The following PIK3C2G variants were observed in gnomAD, a reference collection of about 807,000 sequenced individuals.
The protein encoded by PIK3C2G is phosphatidylinositol-4-phosphate 3-kinase catalytic subunit type 2 gamma, also known as phosphatidylinositol 3-kinase C2 domain-containing subunit gamma.
PIK3C2G carries 168 observed loss-of-function variants against 181.1 expected under a neutral mutation model. That is an observed-to-expected ratio of 0.93 (90% CI 0.82 to 1.05). The LOEUF (loss-of-function observed/expected upper bound fraction) is 1.05. PIK3C2G is among the 50% of genes least tolerant of loss of function. The pLI, the probability that PIK3C2G is intolerant of heterozygous loss-of-function variation, is 0.00. For missense variants in PIK3C2G, 1,869 were observed against 1,732.8 expected, an observed-to-expected ratio of 1.08 and a Z score of -1.40; for synonymous variants, 573 against 592.2, an observed-to-expected ratio of 0.97 and a Z score of 0.47.
the PIK3C2G span, among the ~76,000 whole-genome samples, chr12:18,673,624 C>A: frequency 7.2e-5 from 11 of 152,116 alleles, no homozygotes; most frequent in Non-Finnish European, 1.5e-4. Flanking sequence ...TAAAAGAATA[C>A]GCATTAATTA....
chr12:18,344,471 G>A (rs1319569213), intron 10 of PIK3C2G, among the ~76,000 whole-genome samples: 1 of 152,122 alleles, frequency 6.6e-6, no homozygotes, highest in African/African-American at 2.4e-5. Context: ...ACCATAGAGG[G>A]AGGGAAGGAA....
chr12:18,417,055 G>T (rs1306834087), intron 16 of PIK3C2G, among the ~76,000 whole-genome samples: 1 of 152,154 alleles, frequency 6.6e-6, no homozygotes, highest in Non-Finnish European at 1.5e-5. Context: ...ATTAACAGGA[G>T]TTTCAAGAAG....
intron 11 of PIK3C2G, among the ~76,000 whole-genome samples, chr12:18,359,701 A>T (rs1386506512): frequency 6.6e-6 from 1 of 151,834 alleles, no homozygotes; most frequent in Non-Finnish European, 1.5e-5. Flanking sequence ...TCATTATACA[A>T]TCTCCTTCTC....
intron 14 of PIK3C2G, among the ~76,000 whole-genome samples, chr12:18,385,727 C>T (rs1388086809): frequency 1.3e-5 from 2 of 152,048 alleles, no homozygotes; most frequent in Non-Finnish European, 2.9e-5. Context: ...CGCCACCATG[C>T]CCAGCTAATT....
chr12:18,473,972 G>A (rs187903517), intron 18 of PIK3C2G, among the ~76,000 whole-genome samples: 129 of 152,066 alleles, frequency 8.5e-4, no homozygotes, highest in African/African-American at 3.0e-3. Flanking sequence ...TTTTTCATTG[G>A]GTCATATTTG....
the PIK3C2G span, among the ~76,000 whole-genome samples, chr12:18,657,923 G>A: frequency 1.3e-5 from 2 of 151,930 alleles, no homozygotes; most frequent in African/African-American, 4.8e-5. Context: ...AAGCTCTTAA[G>A]GAAACCACAT....
At chr12:18,307,891 T>C (rs1035687534) in intron 5 of PIK3C2G, among the ~76,000 whole-genome samples, 1 of 151,938 alleles carries the variant, frequency 6.6e-6, no homozygotes, top group South Asian at 2.1e-4. Context: ...TGGAAATAAA[T>C]TCTAATACTA....
chr12:18,276,378 G>C (rs1423968094), intron 1 of PIK3C2G, among the ~76,000 whole-genome samples: 2 of 152,138 alleles, frequency 1.3e-5, no homozygotes, highest in Non-Finnish European at 2.9e-5. Flanking sequence ...GGCATTGAAT[G>C]AATTACTGAT....
chr12:18,383,133 C>T (rs1448639787), intron 14 of PIK3C2G, among the ~76,000 whole-genome samples: 3 of 152,162 alleles, frequency 2.0e-5, no homozygotes, highest in East Asian at 3.9e-4. Context: ...AGGAGAGACT[C>T]ATCACAAACC....
intron 18 of PIK3C2G, among the ~76,000 whole-genome samples, chr12:18,466,488 T>C (rs1287512868): frequency 6.6e-6 from 1 of 151,936 alleles, no homozygotes; most frequent in Non-Finnish European, 1.5e-5. Context: ...TAGAACCCTT[T>C]TTAAAAGGAA....
intron 12 of PIK3C2G, among the ~76,000 whole-genome samples, chr12:18,369,996 T>C (rs2137865414): frequency 7.4e-6 from 1 of 135,236 alleles, no homozygotes; most frequent in Middle Eastern, 4.1e-3. Context: ...GATCGTATAA[T>C]TGACATATGA....
chr12:18,498,673 T>A (rs2136094475), intron 22 of PIK3C2G, among the ~76,000 whole-genome samples: 1 of 151,946 alleles, frequency 6.6e-6, no homozygotes, highest in African/African-American at 2.4e-5. Flanking sequence ...GCAGGCTCAA[T>A]ACCCCAGTCA....
At chr12:18,641,600 ACT>A (rs1206649449) in intron 32 of PIK3C2G, among the ~76,000 whole-genome samples, 3 of 152,010 alleles carry the variant, frequency 2.0e-5, no homozygotes, top group African/African-American at 7.2e-5. Flanking sequence ...ATTATTGTTT[ACT>A]GAAGTCACAT....
chr12:18,547,432 T>C (rs1944491148), intron 26 of PIK3C2G, among the ~76,000 whole-genome samples: 1 of 151,936 alleles, frequency 6.6e-6, no homozygotes, highest in Admixed American at 6.6e-5. Context: ...TGTGACAGAA[T>C]CACAAAATAT....
the PIK3C2G span, among the ~76,000 whole-genome samples, chr12:18,669,405 T>A: frequency 6.6e-6 from 1 of 152,220 alleles, no homozygotes; most frequent in Non-Finnish European, 1.5e-5. Context: ...AGGATAATTA[T>A]CCTCACTTTA....
the PIK3C2G span, among the ~76,000 whole-genome samples, chr12:18,654,072 T>C: frequency 2.6e-5 from 4 of 151,936 alleles, no homozygotes; most frequent in Non-Finnish European, 5.9e-5. Context: ...ATAGAATGTG[T>C]CAAACTGAGT....
chr12:18,303,335 CTCTT>C (rs149922332), intron 5 of PIK3C2G, among the ~76,000 whole-genome samples: 8,671 of 147,088 alleles, frequency 0.059, 367 homozygotes, highest in Non-Finnish European at 0.091. Flanking sequence ...TTCTCTCTCT[CTCTT>C]TCTTTCTTTC....
At chr12:18,536,686 T>G (rs999409195) in intron 24 of PIK3C2G, among the ~76,000 whole-genome samples, 1 of 151,952 alleles carries the variant, frequency 6.6e-6, no homozygotes, top group African/African-American at 2.4e-5. Flanking sequence ...ACATAGCAGG[T>G]CCAGAATTAG....
rs1947250041 is a variant in PIK3C2G at position 18,594,501 on chromosome 12, G to A, written c.4019G>A (p.Cys1340Tyr). 1 of 1,549,000 alleles carries A rather than the reference G, an allele frequency of 6.5e-7. No homozygotes were observed. Residue 1340 changes from cysteine (C) to tyrosine (Y), a missense_variant, in exon 30 of 33, where the codon TGT becomes TAT. Cys to Tyr is a radical substitution (Grantham distance 194). Coordinates refer to ENST00000538779, the MANE Select transcript of PIK3C2G (RefSeq NM_001288772.2). The stretch of plus-strand genomic sequence containing the variant: ...TTTCATTTTGTTTTTCAGAGTGATT[G>A]TGTACTTAGCTTTTTCCTCTCTGAG... ...NVSHEVTNSD[C>Y]VLSFFLSEAV...
Sources: allele counts gnomAD v4.1 joint callset (sites outside exome capture counted in the v4.1 genomes callset), GRCh38; gene constraint gnomAD v4.1.1; transcripts MANE v1.5; gene names NCBI Gene and HGNC (gene_info 2026-07-23, HGNC 2026-07-21).